The following ITGB5 variants were observed in gnomAD, a reference collection of about 807,000 sequenced individuals.
The protein encoded by ITGB5 is integrin subunit beta 5, also known as integrin beta-5.
Under a neutral mutation model 84.8 loss-of-function variants are expected in ITGB5, and 38 were observed. That is an observed-to-expected ratio of 0.45 (90% CI 0.35 to 0.59). The LOEUF (loss-of-function observed/expected upper bound fraction) is 0.59. Among genes scored for constraint, ITGB5 ranks in the 20% least tolerant of loss-of-function variants. The pLI, the probability that ITGB5 is intolerant of heterozygous loss-of-function variation, is 0.01. For synonymous variants in ITGB5, 393 were observed against 414.4 expected (o/e 0.95, Z 0.63); for missense variants, 905 against 1,034.5 (o/e 0.87, Z 1.72).
Position 124,887,042 on chromosome 3 carries a change from C to G in ITGB5, c.-42G>C, listed in dbSNP as rs1413751271. ...CAGCGGCGGCGCGGTCGCTGCACTC[C>G]GCGGGGGCCGGCGGCCGGGGCTGGG... On this transcript the variant is annotated 5_prime_UTR_variant, in exon 1 of 15. Coordinates refer to ENST00000296181, the MANE Select transcript of ITGB5 (RefSeq NM_002213.5). 1 of 1,001,572 alleles carries G rather than the reference C, an allele frequency of 1.0e-6. No homozygotes were observed. Among genetic ancestry groups the G allele is most frequent in the Non-Finnish European group, 1.2e-6 (1 of 823,896 alleles). The allele number at this position is 1,001,572 out of a possible 1,614,324, so 62.0% of individuals were successfully genotyped here.
intron 8 of ITGB5, among the ~76,000 whole-genome samples, chr3:124,816,052 G>A (rs2064585600): frequency 6.6e-6 from 1 of 152,166 alleles, no homozygotes; most frequent in South Asian, 2.1e-4. Context: ...GGAAGTTCCA[G>A]GAGTATCTGA....
chr3:124,763,689 G>C lies in ITGB5; in HGVS notation c.2334C>G (p.Ile778Met). Residue 778 changes from isoleucine to methionine, a missense_variant, in exon 15 of 15, where the codon ATC becomes ATG. By Grantham distance (10) the Ile-to-Met change is conservative. Around this residue, in one of 3 missense-constraint regions of ITGB5, gnomAD observed 133 missense variants for 122.8 expected, o/e 1.08. Transcript: ENST00000296181. Reference sequence around the variant, plus strand: ...AGGTGAAGTCCACAGTGTGCGTGGAGATAGGCTTTCTGTATAATGGATTTG... The same window carrying C: ...AGGTGAAGTCCACAGTGTGCGTGGACATAGGCTTTCTGTATAATGGATTTG... ...MASNPLYRKP[I>M]STHTVDFTFN... 6.2e-7 allele frequency: 1 copy of C among 1,609,150 alleles called. No homozygotes were observed.
chr3:124,805,429 C>T (rs2064385445), intron 9 of ITGB5, among the ~76,000 whole-genome samples: 1 of 151,990 alleles, frequency 6.6e-6, no homozygotes. Flanking sequence ...AGGTGTGAGT[C>T]ACTGTGCCTA....
intron 5 of ITGB5, among the ~76,000 whole-genome samples, chr3:124,823,875 A>G (rs774932683): frequency 2.3e-4 from 35 of 152,156 alleles, no homozygotes; most frequent in Non-Finnish European, 4.4e-4. Flanking sequence ...TCAACACCCT[A>G]GCAAGGAAGC....
At chr3:124,838,008 G>A (rs1214187331) in intron 5 of ITGB5, among the ~76,000 whole-genome samples, 2 of 152,176 alleles carry the variant, frequency 1.3e-5, no homozygotes, top group East Asian at 1.9e-4. Context: ...GCCAGATCAG[G>A]AGGAGACACA....
At chr3:124,776,121 C>T (rs923114395) in intron 10 of ITGB5, among the ~76,000 whole-genome samples, 3 of 150,026 alleles carry the variant, frequency 2.0e-5, no homozygotes, top group Admixed American at 1.3e-4. Flanking sequence ...TAGATGCGGG[C>T]GTGTGAGGGG....
intron 10 of ITGB5, among the ~76,000 whole-genome samples, chr3:124,785,309 C>A (rs932637386): frequency 6.6e-6 from 1 of 151,430 alleles, no homozygotes; most frequent in Non-Finnish European, 1.5e-5. Flanking sequence ...TGTGTCCGGG[C>A]GCGGTGGCTC....
At chr3:124,891,391 G>T (rs7373878), upstream of ITGB5, among the ~76,000 whole-genome samples, 85,705 of 151,778 alleles carry the variant, frequency 0.56, 24,892 homozygotes, top group East Asian at 0.77. Context: ...GCCTTTAAAA[G>T]AAATGAAGGC....
At chr3:124,773,357 C>T (rs1417388451) in intron 11 of ITGB5, among the ~76,000 whole-genome samples, 3 of 152,230 alleles carry the variant, frequency 2.0e-5, no homozygotes, top group African/African-American at 7.2e-5. Flanking sequence ...ATAGTACACT[C>T]AAGGCTCTGA....
At chr3:124,814,861 T>C (rs1271831765) in intron 8 of ITGB5, among the ~76,000 whole-genome samples, 1 of 152,186 alleles carries the variant, frequency 6.6e-6, no homozygotes, top group Non-Finnish European at 1.5e-5. Flanking sequence ...CAAGCGACAG[T>C]GCTAGGTTCC....
At chr3:124,870,213 G>A (rs949808998) in intron 2 of ITGB5, among the ~76,000 whole-genome samples, 2 of 152,188 alleles carry the variant, frequency 1.3e-5, no homozygotes, top group African/African-American at 4.8e-5. Flanking sequence ...AGACAGTTTA[G>A]TTTCTCAAGG....
Position 124,848,427 on chromosome 3 carries a change from C to A in ITGB5, c.493G>T (p.Ala165Ser), listed in dbSNP as rs370951139. Residue 165 changes from alanine (A) to serine (S), a missense_variant, in exon 4 of 15, where the codon GCG (alanine) becomes TCG (serine). Ala to Ser is a moderately conservative substitution (Grantham distance 99, BLOSUM62 1). Coordinates refer to ENST00000296181, the MANE Select transcript of ITGB5 (RefSeq NM_002213.5). ...DNIRSLGTKL[A>S]EEMRKLTSNF... ...CTGGTGAGCTTCCTCATCTCCTCCG[C>A]GAGTTTGGTGCCCAGGCTCCGGATA... 6 of 1,614,056 alleles carry A rather than the reference C, an allele frequency of 3.7e-6. No individual in the cohort carries two copies. Among genetic ancestry groups the A allele is most frequent in the Non-Finnish European group, 5.1e-6 (6 of 1,180,036 alleles).
chr3:124,807,941 C>CAAAAAAAAAAAA (rs552552243), intron 9 of ITGB5, among the ~76,000 whole-genome samples: 3 of 26,802 alleles, frequency 1.1e-4, no homozygotes, highest in Admixed American at 6.9e-4. Context: ...GACTTCATCT[C>CAAAAAAAAAAAA]AAAAAAAAAA....
chr3:124,802,108 A>G (rs1469377373), intron 9 of ITGB5, among the ~76,000 whole-genome samples: 1 of 151,996 alleles, frequency 6.6e-6, no homozygotes, highest in African/African-American at 2.4e-5. Flanking sequence ...TTCCCACAGC[A>G]CTCATCACCC....
At chr3:124,805,029 TTGCCC>T (rs199673815) in intron 9 of ITGB5, among the ~76,000 whole-genome samples, 4,729 of 150,498 alleles carry the variant, frequency 0.031, 145 homozygotes, top group African/African-American at 0.071. Context: ...TTCCTTTCTT[TTGCCC>T]TGCCCTGCCC....
intron 2 of ITGB5, among the ~76,000 whole-genome samples, chr3:124,870,578 C>T (rs1185790067): frequency 3.9e-5 from 6 of 151,984 alleles, no homozygotes; most frequent in Non-Finnish European, 8.8e-5. Context: ...AATACAAAAA[C>T]TAGCCGGGTG....
At chr3:124,899,852 T>TAA (rs1935182490) in intron 1 of ITGB5, among the ~76,000 whole-genome samples, 1 of 4,254 alleles carries the variant, frequency 2.4e-4, no homozygotes, top group Non-Finnish European at 6.8e-4. Context: ...AGACCCTGTC[T>TAA]CAAAAAAAAA....
rs2064457696 is a variant in ITGB5 at position 124,809,148 on chromosome 3, C to T, written c.1137G>A (p.Arg379=). ...CCCAGACTGACAACTCCACTTTAGACCGGATACTCTGAATGGAGAGAGAAA... is the reference window on the plus strand; with the variant it reads ...CCCAGACTGACAACTCCACTTTAGATCGGATACTCTGAATGGAGAGAGAAA... ...QLIINAYNSI[R]SKVELSVWDQ... Residue 379 remains arginine (R), a synonymous_variant, in exon 9 of 15, where the codon CGG becomes CGA. Coordinates refer to ENST00000296181, the MANE Select transcript of ITGB5 (RefSeq NM_002213.5). The T allele has an allele frequency of 6.2e-7, 1 of 1,614,052 alleles. No individual in the cohort carries two copies. Among genetic ancestry groups the T allele is most frequent in the Middle Eastern group, 1.6e-4 (1 of 6,062 alleles).
At chr3:124,818,491 A>G (rs111346311) in intron 7 of ITGB5, among the ~76,000 whole-genome samples, 3 of 137,698 alleles carry the variant, frequency 2.2e-5, no homozygotes, top group African/African-American at 8.0e-5. Context: ...CGTTATTTGT[A>G]AGTGCATAGG....
Sources: allele counts gnomAD v4.1 joint callset (sites outside exome capture counted in the v4.1 genomes callset), GRCh38; gene constraint gnomAD v4.1.1; regional missense constraint gnomAD v4.1.1; transcripts MANE v1.5; gene names NCBI Gene and HGNC (gene_info 2026-07-23, HGNC 2026-07-21).